Variants in KIF24 observed in about 807,000 individuals in gnomAD.
KIF24 encodes the protein kinesin family member 24.
Under a neutral mutation model 118.9 loss-of-function variants are expected in KIF24, and 81 were observed. The ratio of observed to expected loss-of-function variants is 0.68; its 90% CI spans 0.57 to 0.82. KIF24 has a LOEUF of 0.82. KIF24 is among the 40% of genes least tolerant of loss of function. The pLI is 0.00. For missense variants in KIF24, 1,560 were observed against 1,661.6 expected, an observed-to-expected ratio of 0.94 and a Z score of 1.06; for synonymous variants, 599 against 610.0, an observed-to-expected ratio of 0.98 and a Z score of 0.27.
intron 3 of KIF24, among the ~76,000 whole-genome samples, chr9:34,299,037 T>C (rs1323315109): frequency 6.6e-6 from 1 of 152,134 alleles, no homozygotes; most frequent in Non-Finnish European, 1.5e-5. Context: ...CAACTACATA[T>C]ATATATGTAT....
chr9:34,316,942 C>T (rs376907580), intron 1 of KIF24, among the ~76,000 whole-genome samples: 14 of 151,926 alleles, frequency 9.2e-5, no homozygotes, highest in Admixed American at 2.6e-4. Context: ...CGGCTGAGCA[C>T]GGTGGCTCAC....
intron 5 of KIF24, among the ~76,000 whole-genome samples, chr9:34,288,453 A>C (rs1189907607): frequency 1.3e-5 from 2 of 151,680 alleles, no homozygotes; most frequent in Non-Finnish European, 2.9e-5. Flanking sequence ...GCACCACTGT[A>C]CTCCAGCCTG....
Position 34,253,185 on chromosome 9 carries a change from T to C in KIF24, c.*1195A>G, listed in dbSNP as rs1374307439. 2 of 152,276 alleles carry C rather than the reference T, an allele frequency of 1.3e-5. No individual in the cohort carries two copies. Among genetic ancestry groups the C allele is most frequent in the South Asian group, 2.1e-4 (1 of 4,836 alleles). The allele number at this position is 152,276 out of a possible 1,614,324, so 9.4% of individuals were successfully genotyped here. Reference sequence around the variant, plus strand: ...GTCTCAAGAGAGCCATTTAACCCTCTTCTTGGCCTTTTAATTAAGCCCTCC... The same window carrying C: ...GTCTCAAGAGAGCCATTTAACCCTCCTCTTGGCCTTTTAATTAAGCCCTCC... On this transcript the variant is annotated 3_prime_UTR_variant, in exon 13 of 13. Coordinates refer to ENST00000402558, the MANE Select transcript of KIF24 (RefSeq NM_194313.4).
At position 34,256,237 on chromosome 9, in the gene KIF24, C is replaced by T. The variant is rs145898456; in HGVS notation, c.3370G>A (p.Gly1124Ser). The change falls in exon 11 of 13, where the codon GGT becomes AGT. Residue 1124 changes from glycine (G) to serine (S), a missense_variant. By Grantham distance (56) the Gly-to-Ser change is moderately conservative. Coordinates refer to ENST00000402558, the MANE Select transcript of KIF24 (RefSeq NM_194313.4). ...LSSSPPDNKP[G>S]GDLPALSPSP... ...GGGGACAGAGCTGGAAGATCACCACCAGGCTTATTATCAGGGGGAGATGAG... is the reference window on the plus strand; with the variant it reads ...GGGGACAGAGCTGGAAGATCACCACTAGGCTTATTATCAGGGGGAGATGAG... 2.3e-4 allele frequency: 376 copies of T among 1,604,530 alleles called. No individual in the cohort carries two copies. Among genetic ancestry groups the T allele is most frequent in the Middle Eastern group, 1.8e-3 (11 of 6,004 alleles).
At chr9:34,277,320 G>A (rs1239759563) in intron 6 of KIF24, among the ~76,000 whole-genome samples, 1 of 152,080 alleles carries the variant, frequency 6.6e-6, no homozygotes, top group African/African-American at 2.4e-5. Context: ...GAGAAGCTAA[G>A]TGACTTATAC....
rs1006167381 is a variant in KIF24 at position 34,318,565 on chromosome 9, G to C, written c.-25-7194C>G. Reference sequence around the variant, plus strand: ...ACAGCGCCGGCCTGGCCTTCAGCCTGTACCAGGCCATGGCCAAGGACCAGG... The same window carrying C: ...ACAGCGCCGGCCTGGCCTTCAGCCTCTACCAGGCCATGGCCAAGGACCAGG... On this transcript the variant is annotated intron_variant, in intron 1 of 12. Transcript: ENST00000402558. This position sits in a 1 kb window ranked among gnomAD's most constrained non-coding sequence, Gnocchi z 4.9. 158 of 1,239,442 alleles carry C rather than the reference G, an allele frequency of 1.3e-4. 1 individual carries two copies. Among genetic ancestry groups the C allele is most frequent in the African/African-American group, 7.8e-4 (54 of 69,386 alleles). The allele number at this position is 1,239,442 out of a possible 1,614,324, so 76.8% of individuals were successfully genotyped here. A position where few individuals can be genotyped will look rare whatever the true frequency, so the allele number is the denominator to read the frequency against.
In KIF24 at chr9:34,255,019, TAGCTGC is replaced by T. The variant is rs1230487513; in HGVS notation, c.3966+47_3966+52del. On this transcript the variant is annotated intron_variant, in intron 12 of 12. Coordinates refer to ENST00000402558, the MANE Select transcript of KIF24 (RefSeq NM_194313.4). ...CAGCAAACAAGGATGACCATCAAAT[TAGCTGC>T]AGGCTAATTCCCAACAGCCTGTGAG... is the stretch of plus-strand genomic sequence containing the variant. 64 of 1,218,630 alleles carry T rather than the reference TAGCTGC, an allele frequency of 5.3e-5. No individual in the cohort carries two copies. In the Admixed American group the frequency reaches 5.4e-4, roughly 10 times the overall value. The allele number at this position is 1,218,630 out of a possible 1,614,324, so 75.5% of individuals were successfully genotyped here. A position where few individuals can be genotyped will look rare whatever the true frequency, so the allele number is the denominator to read the frequency against.
intron 4 of KIF24, among the ~76,000 whole-genome samples, chr9:34,296,095 T>A (rs1409557073): frequency 2.0e-5 from 3 of 147,950 alleles, no homozygotes; most frequent in Non-Finnish European, 4.5e-5. Flanking sequence ...GGTGGGCGCC[T>A]GTAGTCCCAG....
chr9:34,286,494 G>A, intron 6 of KIF24, 123 bp downstream of exon 6: 1 of 653,928 alleles, frequency 1.5e-6, no homozygotes, highest in Non-Finnish European at 2.7e-6. Flanking sequence ...GATGGGAAGT[G>A]GTGGGCTTGT....
rs1227854808 is a variant in KIF24, at chr9:34,271,929, A to C, written c.1217T>G (p.Val406Gly). Reference sequence around the variant, plus strand: ...GCGCTCCTTGCTGCCCTTTAAGATCACCTGAAAATAAAATCCACAGGATGA... The same window carrying C: ...GCGCTCCTTGCTGCCCTTTAAGATCCCCTGAAAATAAAATCCACAGGATGA... Reference protein sequence around the residue: ...QVDSVELLLEVILKGSKERST... With the variant: ...QVDSVELLLEGILKGSKERST... Residue 406 changes from valine to glycine, a missense_variant and splice_region_variant, in exon 7 of 13, where the codon GTG becomes GGG. Physicochemically the swap from Val to Gly is moderately radical, Grantham distance 109. Coordinates refer to ENST00000402558, the MANE Select transcript of KIF24 (RefSeq NM_194313.4). 2 of 1,585,826 alleles carry C rather than the reference A, an allele frequency of 1.3e-6. No individual in the cohort carries two copies. The highest frequency in any genetic ancestry group is 2.7e-5 in the African/African-American group (2 of 74,352).
intron 9 of KIF24, among the ~76,000 whole-genome samples, chr9:34,262,675 A>AATATATATAT (rs1428160924): frequency 1.1e-3 from 29 of 27,058 alleles, no homozygotes; most frequent in African/African-American, 2.4e-3. Context: ...AAAAAAAAAA[A>AATATATATAT]ATATATATAT....
intron 4 of KIF24, among the ~76,000 whole-genome samples, chr9:34,290,704 A>G (rs1836226144): frequency 6.6e-6 from 1 of 151,114 alleles, no homozygotes; most frequent in Non-Finnish European, 1.5e-5. Flanking sequence ...GGTTCAAGTG[A>G]TTCTCCTGCC....
rs755624952 is a variant in KIF24 at position 34,306,438 on chromosome 9, C to T, written c.627G>A (p.Gln209=). ...NYGIPHSCIR[Q]NTSEKQNPWT... Reference sequence around the variant, plus strand: ...AAGGATTCTGTTTCTCTGAAGTGTTCTGTCTAATATGTTTATAAACAGGCT... The same window carrying T: ...AAGGATTCTGTTTCTCTGAAGTGTTTTGTCTAATATGTTTATAAACAGGCT... Residue 209 remains glutamine, a synonymous_variant, in exon 3 of 13, where the codon CAG becomes CAA. Transcript: ENST00000402558. 2 of 1,589,854 alleles carry T rather than the reference C, an allele frequency of 1.3e-6. No homozygotes were observed. Among genetic ancestry groups the T allele is most frequent in the East Asian group, 2.2e-5 (1 of 44,782 alleles).
rs992388577 is a variant in KIF24, at chr9:34,255,613, G to C, written c.3872+122C>G. 65 of 848,214 alleles carry C rather than the reference G, an allele frequency of 7.7e-5. No individual in the cohort carries two copies. The African/African-American group carries it at 9.9e-4, about 13-fold the overall frequency. 52.5% of individuals were successfully genotyped at this position (848,214 alleles called of 1,614,324 possible). On this transcript the variant is annotated intron_variant, in intron 11 of 12. Transcript: ENST00000402558. ...GGACCAAAGCAGAGGGTTGGAGCTAGAAGCAGACTAGCTCACCTGCGTACC... is the reference window on the plus strand; with the variant it reads ...GGACCAAAGCAGAGGGTTGGAGCTACAAGCAGACTAGCTCACCTGCGTACC...
At chr9:34,285,874 A>C (rs1300759996) in intron 6 of KIF24, among the ~76,000 whole-genome samples, 1 of 146,264 alleles carries the variant, frequency 6.8e-6, no homozygotes, top group African/African-American at 2.5e-5. Context: ...GGCTGCGGTG[A>C]GCTATGACTA....
chr9:34,299,844 GTGTA>G (rs756668786), intron 3 of KIF24, among the ~76,000 whole-genome samples: 1 of 145,396 alleles, frequency 6.9e-6, no homozygotes, highest in African/African-American at 2.5e-5. Context: ...GTGTGTGTGT[GTGTA>G]TAGTTGGTCT....
intron 6 of KIF24, among the ~76,000 whole-genome samples, chr9:34,275,642 C>G (rs984881103): frequency 6.6e-6 from 1 of 152,098 alleles, no homozygotes; most frequent in Middle Eastern, 3.4e-3. Flanking sequence ...AGATCGAGAC[C>G]GTCCTGGCTA....
chr9:34,270,257 C>T (rs1835452309), intron 7 of KIF24, among the ~76,000 whole-genome samples: 1 of 151,414 alleles, frequency 6.6e-6, no homozygotes, highest in South Asian at 2.1e-4. Flanking sequence ...TGGCTCATGC[C>T]TGTAATCCCA....
At chr9:34,288,593 ATAGAT>A (rs952452784) in intron 5 of KIF24, among the ~76,000 whole-genome samples, 8 of 152,186 alleles carry the variant, frequency 5.3e-5, no homozygotes, top group Non-Finnish European at 1.0e-4. Context: ...AAGGTAGGAA[ATAGAT>A]TAGATTAGAC....
Sources: allele counts gnomAD v4.1 joint callset (sites outside exome capture counted in the v4.1 genomes callset), GRCh38; gene constraint gnomAD v4.1.1; non-coding constraint Gnocchi (gnomAD v3.1); transcripts MANE v1.5; gene names NCBI Gene and HGNC (gene_info 2026-07-23, HGNC 2026-07-21).